The following AACS variants were observed in gnomAD, a reference collection of about 807,000 sequenced individuals.
AACS encodes the protein acetoacetyl-CoA synthetase, also known as acetoacetate-CoA ligase.
A neutral mutation model predicts 83.1 loss-of-function variants in AACS; 69 were observed. The observed-to-expected ratio is 0.83, with a 90% CI of 0.68 to 1.01. The LOEUF is 1.01. AACS is among the 50% of genes least tolerant of loss of function. AACS has a pLI of 0.00. For synonymous variants in AACS, 333 were observed against 343.4 expected (o/e 0.97, Z 0.33); for missense variants, 866 against 882.2 (o/e 0.98, Z 0.23).
At position 125,140,111 on chromosome 12, in the gene AACS, T is replaced by C. The variant is rs1160088616; in HGVS notation, c.1882-1981T>C. On this transcript the variant is annotated intron_variant, in intron 17 of 17. Transcript: ENST00000316519. This position sits in a 1 kb window ranked among gnomAD's most constrained non-coding sequence, Gnocchi z 5.1. The stretch of plus-strand genomic sequence containing the variant: ...GGCCAAGTGGAATGGACTCCTGGCA[T>C]TTGAGGGCTTCCCGACTGCAGCCCT... 6.6e-6 allele frequency: 1 copy of C among 152,174 alleles called. No homozygotes were observed. The highest frequency in any genetic ancestry group is 1.5e-5 in the Non-Finnish European group (1 of 68,066). The allele number at this position is 152,174 out of a possible 1,614,324, so 9.4% of individuals were successfully genotyped here.
At chr12:125,112,863 C>T (rs1297311819) in intron 8 of AACS, among the ~76,000 whole-genome samples, 2 of 152,136 alleles carry the variant, frequency 1.3e-5, no homozygotes, top group Admixed American at 6.6e-5. Context: ...TGGGCTTCCC[C>T]TTATCAAACC....
rs2291249 is a variant in AACS at position 125,124,838 on chromosome 12, T to G, written c.1187-64T>G. The stretch of plus-strand genomic sequence containing the variant: ...AGGAAATTAAATCCATCCTATTTCC[T>G]GCTTGCGAGTGAGGCTTCAGGCACT... On this transcript the variant is annotated intron_variant, in intron 11 of 17. Coordinates refer to ENST00000316519, the MANE Select transcript of AACS (RefSeq NM_023928.5). 869 of 1,614,060 alleles carry G rather than the reference T, an allele frequency of 5.4e-4. 11 individuals carry two copies. The East Asian group carries it at 0.019, about 35-fold the overall frequency.
At chr12:125,080,478 C>A (rs907391752) in intron 3 of AACS, among the ~76,000 whole-genome samples, 1 of 151,600 alleles carries the variant, frequency 6.6e-6, no homozygotes, top group Non-Finnish European at 1.5e-5. Flanking sequence ...GTGTCTCTCT[C>A]TCTCTCTCTC....
intron 9 of AACS, among the ~76,000 whole-genome samples, chr12:125,115,047 C>T (rs542233194): frequency 1.3e-5 from 2 of 152,352 alleles, no homozygotes; most frequent in African/African-American, 4.8e-5. Context: ...CCCGCTCCTC[C>T]GCCCACCCTG....
chr12:125,066,794 G>A (rs956934251), intron 1 of AACS, among the ~76,000 whole-genome samples: 1 of 151,902 alleles, frequency 6.6e-6, no homozygotes, highest in Admixed American at 6.6e-5. Context: ...CACCCCCTCC[G>A]CTGGCGCAGG....
chr12:125,085,690 G>A (rs1292528436), intron 3 of AACS, among the ~76,000 whole-genome samples: 1 of 152,186 alleles, frequency 6.6e-6, no homozygotes, highest in Non-Finnish European at 1.5e-5. Context: ...GCAGCTGGGT[G>A]AGGGGGACAT....
At chr12:125,114,364 G>T in intron 8 of AACS, 113 bp from the exon 9 acceptor site, 1 of 764,750 alleles carries the variant, frequency 1.3e-6, no homozygotes, top group South Asian at 1.9e-5. Context: ...AGAAAATGGG[G>T]ATCTGCTGGG....
chr12:125,067,642 T>C (rs1219398426), intron 1 of AACS, among the ~76,000 whole-genome samples: 1 of 152,112 alleles, frequency 6.6e-6, no homozygotes, highest in Non-Finnish European at 1.5e-5. Flanking sequence ...CACGCAGTTC[T>C]CCTGCCTCAG....
Position 125,065,661 on chromosome 12 carries a change from A to G in AACS, c.77A>G (p.Asn26Ser), listed in dbSNP as rs150431280. Residue 26 changes from asparagine (N) to serine (S), a missense_variant, in exon 1 of 18, where the codon AAC (asparagine) becomes AGC (serine). Asn to Ser is a conservative substitution (Grantham distance 46). Coordinates refer to ENST00000316519, the MANE Select transcript of AACS (RefSeq NM_023928.5). ...QVMWEPDSKK[N>S]TQMDRFRAAV... ...ATGTGGGAGCCTGACAGTAAGAAGA[A>G]CACGCAGATGGACCGCTTCCGGGCG... 1.5e-4 allele frequency: 231 copies of G among 1,547,118 alleles called. No homozygotes were observed. In the African/African-American group the frequency reaches 2.9e-3, roughly 20 times the overall value.
chr12:125,092,864 G>T (rs1055308394), intron 5 of AACS, among the ~76,000 whole-genome samples: 9 of 152,198 alleles, frequency 5.9e-5, no homozygotes, highest in African/African-American at 2.2e-4. Context: ...CCCCTCAGCC[G>T]ACCTTGAGCC....
Position 125,128,174 on chromosome 12 carries a change from C to T in AACS, c.1323C>T (p.Ile441=), listed in dbSNP as rs144003118. ...CATTGCTTGCAGGAGGCACCGACAT[C>T]ATCTCCTGCTTCATGGGCCACAATT... The part of the protein sequence containing the change: ...LLGSISGGTD[I]ISCFMGHNFS... The change falls in exon 13 of 18, where the codon ATC becomes ATT. Residue 441 remains isoleucine, a synonymous_variant. Coordinates refer to ENST00000316519, the MANE Select transcript of AACS (RefSeq NM_023928.5). 7.3e-5 allele frequency: 117 copies of T among 1,610,902 alleles called. 1 individual carries two copies. The East Asian group carries it at 2.6e-3, about 36-fold the overall frequency.
chr12:125,134,764 G>A (rs754636962), intron 15 of AACS, 30 bp from the exon 16 acceptor site: 56 of 1,613,872 alleles, frequency 3.5e-5, no homozygotes, highest in Non-Finnish European at 4.7e-5. Context: ...CAGAGCTGCG[G>A]TGTGGCCCTG....
intron 9 of AACS, among the ~76,000 whole-genome samples, chr12:125,115,128 G>C (rs1957032710): frequency 6.6e-6 from 1 of 152,204 alleles, no homozygotes; most frequent in Admixed American, 6.5e-5. Flanking sequence ...TCCTGCCCTT[G>C]TTGAGCACTG....
In AACS at chr12:125,097,208, C is replaced by T. The variant is rs1956626983; in HGVS notation, c.571-5471C>T. 1.3e-5 allele frequency among the ~76,000 whole-genome samples: 2 copies of T among 152,052 alleles called. No homozygotes were observed. Among genetic ancestry groups the T allele is most frequent in the Admixed American group, 1.3e-4 (2 of 15,270 alleles). On this transcript the variant is annotated intron_variant, in intron 5 of 17. Coordinates refer to ENST00000316519, the MANE Select transcript of AACS (RefSeq NM_023928.5). This position sits in a 1 kb window ranked among gnomAD's most constrained non-coding sequence, Gnocchi z 4.3. ...ACCATTTTGGGGCTTTCTGCAACCA[C>T]CTCTGTGTAGCAGTTTAGAGCAGAA...
chr12:125,133,948 G>T, intron 14 of AACS, 55 bp from the exon 15 acceptor site: 1 of 1,590,686 alleles, frequency 6.3e-7, no homozygotes, highest in Non-Finnish European at 8.6e-7. Flanking sequence ...TGTCCAGGCA[G>T]CCTGTCATGG....
At chr12:125,068,408 G>C (rs900197796) in intron 1 of AACS, among the ~76,000 whole-genome samples, 1 of 152,122 alleles carries the variant, frequency 6.6e-6, no homozygotes, top group Non-Finnish European at 1.5e-5. Flanking sequence ...GCAGTGAGCC[G>C]AGATCTCGCC....
At chr12:125,100,599 G>C (rs1956692145) in intron 5 of AACS, among the ~76,000 whole-genome samples, 2 of 152,204 alleles carry the variant, frequency 1.3e-5, no homozygotes, top group Non-Finnish European at 2.9e-5. Context: ...GGACAGTGTT[G>C]AGTAAACTCT....
chr12:125,096,896 G>A (rs1050034314), intron 5 of AACS, among the ~76,000 whole-genome samples: 3 of 152,074 alleles, frequency 2.0e-5, no homozygotes, highest in Non-Finnish European at 4.4e-5. Flanking sequence ...GTGCCCAGGC[G>A]CTGGTCTAGG....
chr12:125,068,615 C>T (rs1955769855), intron 1 of AACS, among the ~76,000 whole-genome samples: 1 of 152,164 alleles, frequency 6.6e-6, no homozygotes, highest in African/African-American at 2.4e-5. Flanking sequence ...GCATTTAGCA[C>T]TGTTTTTGTC....
Sources: gnomAD v4.1 joint callset for allele counts (sites outside exome capture counted in the v4.1 genomes callset) on GRCh38, gnomAD v4.1.1 for gene constraint, Gnocchi (gnomAD v3.1) non-coding constraint, MANE v1.5 for transcripts, NCBI Gene and HGNC (gene_info 2026-07-23, HGNC 2026-07-21) for gene names.